Variants in SLC2A9 observed in about 807,000 individuals in gnomAD.
SLC2A9 encodes solute carrier family 2 member 9.
A neutral mutation model predicts 50.6 loss-of-function variants in SLC2A9; 39 were observed. The ratio of observed to expected loss-of-function variants is 0.77; its 90% CI spans 0.60 to 1.01. SLC2A9 has a LOEUF of 1.01. Among genes scored for constraint, SLC2A9 ranks in the 50% least tolerant of loss-of-function variants. The pLI, the probability that SLC2A9 is intolerant of heterozygous loss-of-function variation, is 0.00. For missense variants in SLC2A9, 686 were observed against 677.6 expected (o/e 1.01, Z -0.14); for synonymous variants, 324 against 276.9 (o/e 1.17, Z -1.69).
intron 8 of SLC2A9, among the ~76,000 whole-genome samples, chr4:9,899,431 C>T (rs1055776472): frequency 2.0e-5 from 3 of 152,190 alleles, no homozygotes; most frequent in Non-Finnish European, 2.9e-5. Context: ...CTGTTTTAAA[C>T]ATGCAAAGGC....
At chr4:9,862,445 T>C (rs1285936696) in intron 10 of SLC2A9, among the ~76,000 whole-genome samples, 1 of 152,098 alleles carries the variant, frequency 6.6e-6, no homozygotes, top group Non-Finnish European at 1.5e-5. Flanking sequence ...CTCCCATGTA[T>C]GTGTGAAATA....
chr4:9,835,675 TG>T (rs1445106970), intron 10 of SLC2A9, among the ~76,000 whole-genome samples: 1 of 152,222 alleles, frequency 6.6e-6, no homozygotes, highest in Non-Finnish European at 1.5e-5. Flanking sequence ...GCGGAACCCT[TG>T]TCTGCTGGGA....
intron 5 of SLC2A9, among the ~76,000 whole-genome samples, chr4:9,955,844 T>A (rs1450961879): frequency 6.7e-6 from 1 of 148,296 alleles, no homozygotes; most frequent in Non-Finnish European, 1.5e-5. Flanking sequence ...TCAGAAAGTC[T>A]GAGGTAGGGC....
At chr4:9,825,188 GAAGC>G (rs1180762088), downstream of SLC2A9, among the ~76,000 whole-genome samples, 1 of 152,156 alleles carries the variant, frequency 6.6e-6, no homozygotes, top group Non-Finnish European at 1.5e-5. Flanking sequence ...TTTCATTTTA[GAAGC>G]AAGTATAGGA....
At chr4:9,943,357 C>G (rs1748539329) in intron 5 of SLC2A9, among the ~76,000 whole-genome samples, 1 of 152,230 alleles carries the variant, frequency 6.6e-6, no homozygotes, top group African/African-American at 2.4e-5. Context: ...CAAAACTCCT[C>G]TGGTTCCGCC....
At chr4:9,798,304 C>T (rs576227830), downstream of SLC2A9, among the ~76,000 whole-genome samples, 1 of 152,314 alleles carries the variant, frequency 6.6e-6, no homozygotes, top group African/African-American at 2.4e-5. Flanking sequence ...AAATACTCAG[C>T]TTATGCAATG....
intron 2 of SLC2A9, among the ~76,000 whole-genome samples, chr4:10,000,003 A>G (rs1399570543): frequency 1.3e-5 from 2 of 152,222 alleles, no homozygotes; most frequent in African/African-American, 4.8e-5. Context: ...AAGATCACAG[A>G]AAACTCCCAG....
At chr4:9,773,478 T>A (rs1018902669) in intron 1 of SLC2A9, among the ~76,000 whole-genome samples, 2 of 152,210 alleles carry the variant, frequency 1.3e-5, no homozygotes, top group African/African-American at 4.8e-5. Flanking sequence ...CAATTTAAAA[T>A]ACATCTTCAG....
At chr4:9,863,925 T>C (rs1314941079) in intron 10 of SLC2A9, among the ~76,000 whole-genome samples, 16 of 152,230 alleles carry the variant, frequency 1.1e-4, no homozygotes, top group Admixed American at 8.5e-4. Flanking sequence ...AAACAACTCT[T>C]GATGCTGTTG....
intron 10 of SLC2A9, among the ~76,000 whole-genome samples, chr4:9,850,100 G>T (rs546850138): frequency 6.6e-6 from 1 of 152,138 alleles, no homozygotes; most frequent in East Asian, 1.9e-4. Context: ...GCTGAAGCAG[G>T]GAAGTCTGGG....
intron 10 of SLC2A9, among the ~76,000 whole-genome samples, chr4:9,857,326 AG>A (rs1396501337): frequency 1.3e-5 from 2 of 152,058 alleles, no homozygotes; most frequent in African/African-American, 2.4e-5. Context: ...TCCTGCTTGG[AG>A]GGGGCGCAGG....
At chr4:9,968,160 CT>C (rs1443233153) in intron 5 of SLC2A9, among the ~76,000 whole-genome samples, 1 of 152,078 alleles carries the variant, frequency 6.6e-6, no homozygotes. Context: ...GTTTTATAGT[CT>C]CCATTTAATT....
At chr4:9,842,837 T>C (rs1190855073) in intron 10 of SLC2A9, among the ~76,000 whole-genome samples, 3 of 152,210 alleles carry the variant, frequency 2.0e-5, no homozygotes, top group Non-Finnish European at 4.4e-5. Context: ...GAGTATCCTA[T>C]TCTGGATTGC....
exon 4 of SLC2A9, chr4:9,799,108 C>A (rs1720974786): frequency 6.6e-6 from 1 of 152,080 alleles, no homozygotes. Context: ...TGCAGGTAAG[C>A]AAGATAAAAT....
intron 3 of SLC2A9, among the ~76,000 whole-genome samples, chr4:9,808,451 G>A (rs998985068): frequency 4.6e-5 from 7 of 152,302 alleles, no homozygotes; most frequent in African/African-American, 1.7e-4. Flanking sequence ...GTGACCTCTT[G>A]TTGAGGGGAT....
intron 2 of SLC2A9, among the ~76,000 whole-genome samples, chr4:10,016,867 C>A (rs1170199825): frequency 6.6e-6 from 1 of 152,054 alleles, no homozygotes. Flanking sequence ...GACTAAAATC[C>A]TACTCCTCAG....
intron 10 of SLC2A9, among the ~76,000 whole-genome samples, chr4:9,836,978 G>C (rs1684154220): frequency 6.6e-6 from 1 of 152,174 alleles, no homozygotes; most frequent in Non-Finnish European, 1.5e-5. Flanking sequence ...AAGCCACAAA[G>C]CCAAGGCCAA....
chr4:9,779,987 T>G (rs1273776792), exon 4 of SLC2A9: 1 of 152,550 alleles, frequency 6.6e-6, no homozygotes, highest in Non-Finnish European at 1.5e-5. Context: ...CAATGGGTGT[T>G]CTTTTTTGGT....
At chr4:9,872,647 T>A (rs1733639220) in intron 10 of SLC2A9, among the ~76,000 whole-genome samples, 1 of 152,208 alleles carries the variant, frequency 6.6e-6, no homozygotes, top group South Asian at 2.1e-4. Flanking sequence ...AAAAGTATAT[T>A]TTATGCCACT....
Sources: gnomAD v4.1 joint callset for allele counts (sites outside exome capture counted in the v4.1 genomes callset) on GRCh38, gnomAD v4.1.1 for gene constraint, MANE v1.5 for transcripts, NCBI Gene and HGNC (gene_info 2026-07-23, HGNC 2026-07-21) for gene names.